Variants in CPO observed in about 807,000 individuals in gnomAD.
CPO encodes carboxypeptidase O.
Under a neutral mutation model 41.2 loss-of-function variants are expected in CPO, and 43 were observed. That is an observed-to-expected ratio of 1.04 (90% confidence interval 0.82 to 1.35). The LOEUF is 1.35. Ranked by LOEUF, CPO falls within the 40% of genes most tolerant of loss-of-function variation. CPO has a pLI of 0.00. For synonymous variants in CPO, 178 were observed against 162.7 expected, an observed-to-expected ratio of 1.09 and a Z score of -0.72; for missense variants, 408 against 451.7, an observed-to-expected ratio of 0.90 and a Z score of 0.88.
In CPO at chr2:206,969,300, G is replaced by C; in HGVS notation, c.989G>C (p.Cys330Ser). The part of the protein sequence containing the change: ...VLPEAQIQPT[C>S]EETMEAVLSV... ...CCAGAAGCTCAGATCCAGCCCACCT[G>C]TGAGGAGACCATGGAGGCTGTGCTG... The change falls in exon 9 of 9, where the codon TGT becomes TCT. Residue 330 changes from cysteine to serine, a missense_variant. Physicochemically the swap from Cys to Ser is moderately radical, Grantham distance 112 (BLOSUM62 -1). Transcript: ENST00000272852. The C allele has an allele frequency of 6.2e-7, 1 of 1,614,118 alleles. No individual in the cohort carries two copies. The highest frequency in any genetic ancestry group is 1.3e-5 in the African/African-American group (1 of 75,040).
chr2:206,949,768 G>A lies in CPO; in HGVS notation c.165+55G>A, dbSNP rs1006040374. On this transcript the variant is annotated intron_variant, in intron 2 of 8. Transcript: ENST00000272852. Reference sequence around the variant, plus strand: ...TGGTTGTCACAACCTACTTTAGGATGGGCAAAGAATGGTTCACTAGTAATA... The same window carrying A: ...TGGTTGTCACAACCTACTTTAGGATAGGCAAAGAATGGTTCACTAGTAATA... The A allele has an allele frequency of 8.8e-6, 10 of 1,141,922 alleles. No homozygotes were observed. The East Asian group carries it at 2.1e-4, about 24-fold the overall frequency. The allele number at this position is 1,141,922 out of a possible 1,614,324, so 70.7% of individuals were successfully genotyped here. A position where few individuals can be genotyped will look rare whatever the true frequency, so the allele number is the denominator to read the frequency against.
In CPO at chr2:206,943,315, G is replaced by A. The variant is rs186831901; in HGVS notation, c.68+3648G>A. On this transcript the variant is annotated intron_variant, in intron 1 of 8. Transcript: ENST00000272852. ...TCTCACTTCATGGCAGGACAGGATGGGCCAAACAGCCAGTGTGAGGAATGA... is the reference window on the plus strand; with the variant it reads ...TCTCACTTCATGGCAGGACAGGATGAGCCAAACAGCCAGTGTGAGGAATGA... Among the ~76,000 whole-genome samples the A allele has an allele frequency of 5.6e-3, 854 of 152,194 alleles. 8 individuals are homozygous for A. Among genetic ancestry groups the A allele is most frequent in the African/African-American group, 0.019 (788 of 41,532 alleles).
intron 5 of CPO, among the ~76,000 whole-genome samples, chr2:206,960,151 A>G (rs1693451084): frequency 6.6e-6 from 1 of 152,232 alleles, no homozygotes; most frequent in African/African-American, 2.4e-5. Flanking sequence ...TTTCAATGCA[A>G]TCATTCACAC....
At position 206,959,681 on chromosome 2, in the gene CPO, C is replaced by T. The variant is rs1162522233; in HGVS notation, c.423C>T (p.Asn141=). The T allele has an allele frequency of 1.9e-6, 3 of 1,580,930 alleles. No homozygotes were observed. In the African/African-American group the frequency reaches 4.0e-5, roughly 21 times the overall value. ...CAAGTATACGCAAGCTCCTTAGGAA[C>T]CTGGACTTCTATGTCCTTCCAGTTC... The part of the protein sequence containing the change: ...DNSSIRKLLR[N]LDFYVLPVLN... The change falls in exon 5 of 9, where the codon AAC becomes AAT. Residue 141 remains asparagine, a synonymous_variant. Transcript: ENST00000272852.
rs780482393 is a variant in CPO at position 206,959,714 on chromosome 2, A to G, written c.456A>G (p.Ile152Met). 1 of 1,548,966 alleles carries G rather than the reference A, an allele frequency of 6.5e-7. No homozygotes were observed. The highest frequency in any genetic ancestry group is 1.1e-5 in the South Asian group (1 of 89,752). ...LDFYVLPVLNIDGYIYTWTTD... is the reference protein window; with the variant it reads ...LDFYVLPVLNMDGYIYTWTTD... ...TCTATGTCCTTCCAGTTCTTAACAT[A>G]GATGGTTATATCTACACTTGGACAA... The change falls in exon 5 of 9, where the codon ATA (isoleucine) becomes ATG (methionine). Residue 152 changes from isoleucine (I) to methionine (M), a missense_variant. Physicochemically the swap from Ile to Met is conservative, Grantham distance 10. Coordinates refer to ENST00000272852, the MANE Select transcript of CPO (RefSeq NM_173077.3).
At chr2:206,955,643 C>A in intron 3 of CPO, 79 bp downstream of exon 3, 1 of 866,526 alleles carries the variant, frequency 1.2e-6, no homozygotes, top group South Asian at 1.4e-5. Flanking sequence ...GGACTCTAAT[C>A]AGAAGTGTGG....
rs1692990073 is a variant in CPO at position 206,939,534 on chromosome 2, C to G, written c.-66C>G. ...GTGGGAGCCACAGTCTTGATGCATT[C>G]ATTCTCAAGGACACTTGATCCACTG... is the stretch of plus-strand genomic sequence containing the variant. On this transcript the variant is annotated 5_prime_UTR_variant, in exon 1 of 9. The change creates a premature stop within an existing upstream ORF in the 5' untranslated region. Transcript: ENST00000272852. The G allele has an allele frequency of 3.9e-6, 5 of 1,286,182 alleles. No individual in the cohort carries two copies. Among genetic ancestry groups the G allele is most frequent in the Non-Finnish European group, 5.6e-6 (5 of 886,958 alleles). 79.7% of individuals were successfully genotyped at this position (1,286,182 alleles called of 1,614,324 possible).
intron 4 of CPO, among the ~76,000 whole-genome samples, chr2:206,958,841 A>G (rs1693424528): frequency 6.8e-6 from 1 of 147,026 alleles, no homozygotes; most frequent in Admixed American, 7.0e-5. Flanking sequence ...TCCTGGGTTC[A>G]AGCGATTCTC....
intron 3 of CPO, among the ~76,000 whole-genome samples, chr2:206,956,461 T>A (rs1693361079): frequency 6.6e-6 from 1 of 152,092 alleles, no homozygotes; most frequent in East Asian, 1.9e-4. Flanking sequence ...TTGTTACAAA[T>A]GCACACTCTC....
chr2:206,962,724 T>C, intron 7 of CPO, 110 bp downstream of exon 7: 1 of 812,266 alleles, frequency 1.2e-6, no homozygotes, highest in Non-Finnish European at 2.0e-6. Flanking sequence ...TTGTTCTCTC[T>C]GCTTATCCCT....
intron 2 of CPO, among the ~76,000 whole-genome samples, chr2:206,951,101 C>A (rs949658874): frequency 3.3e-5 from 5 of 151,168 alleles, no homozygotes; most frequent in African/African-American, 9.7e-5. Flanking sequence ...GGGGTGGAAC[C>A]AAAAAAAATT....
In CPO at chr2:206,962,544, A is replaced by G. The variant is rs1350221988; in HGVS notation, c.707A>G (p.His236Arg). ...GATATTTTGTGCTTCCTGACCATGCACTCTTATGGGCAGTTAATTCTCACA... is the reference window on the plus strand; with the variant it reads ...GATATTTTGTGCTTCCTGACCATGCGCTCTTATGGGCAGTTAATTCTCACA... Reference protein sequence around the residue: ...KDDILCFLTMHSYGQLILTPY... With the variant: ...KDDILCFLTMRSYGQLILTPY... Residue 236 changes from histidine to arginine, a missense_variant, in exon 7 of 9, where the codon CAC becomes CGC. Coordinates refer to ENST00000272852, the MANE Select transcript of CPO (RefSeq NM_173077.3). 1 of 1,613,906 alleles carries G rather than the reference A, an allele frequency of 6.2e-7. No homozygotes were observed. The highest frequency in any genetic ancestry group is 8.5e-7 in the Non-Finnish European group (1 of 1,179,982).
At chr2:206,961,939 A>C (rs1401955173) in intron 6 of CPO, among the ~76,000 whole-genome samples, 1 of 147,210 alleles carries the variant, frequency 6.8e-6, no homozygotes, top group South Asian at 2.1e-4. Context: ...AAAAATACCA[A>C]AAAAAAAAAA....
chr2:206,958,322 C>T lies in CPO; in HGVS notation c.289C>T (p.Pro97Ser). Reference sequence around the variant, plus strand: ...CCAGATCAGCCAACCATCTGGTAATCCCAAGAAAATCATTTGGATGGACTG... The same window carrying T: ...CCAGATCAGCCAACCATCTGGTAATTCCAAGAAAATCATTTGGATGGACTG... ...YLKISQPSGN[P>S]KKIIWMDCGI... is the part of the protein sequence containing the mutation. The change falls in exon 4 of 9, where the codon CCC becomes TCC. Residue 97 changes from proline to serine, a missense_variant. Coordinates refer to ENST00000272852, the MANE Select transcript of CPO (RefSeq NM_173077.3). 1 of 1,594,574 alleles carries T rather than the reference C, an allele frequency of 6.3e-7. No individual in the cohort carries two copies. The highest frequency in any genetic ancestry group is 8.5e-7 in the Non-Finnish European group (1 of 1,170,288).
At chr2:206,950,692 T>C (rs973948642) in intron 2 of CPO, among the ~76,000 whole-genome samples, 7 of 152,164 alleles carry the variant, frequency 4.6e-5, no homozygotes, top group Admixed American at 6.5e-5. Context: ...CCATCAATGA[T>C]AGATTGCATT....
Position 206,948,049 on chromosome 2 carries a change from A to G in CPO, c.69-1568A>G, listed in dbSNP as rs549926656. ...TTACAAAACTAAACAAACTCTTACC[A>G]TATTATCCAACCATTGCACTCTTTA... is the stretch of plus-strand genomic sequence containing the variant. On this transcript the variant is annotated intron_variant, in intron 1 of 8. Coordinates refer to ENST00000272852, the MANE Select transcript of CPO (RefSeq NM_173077.3). Among the ~76,000 whole-genome samples, 4 of 152,222 alleles carry G rather than the reference A, an allele frequency of 2.6e-5. No individual in the cohort carries two copies. In the South Asian group the frequency reaches 6.2e-4, roughly 24 times the overall value.
intron 2 of CPO, among the ~76,000 whole-genome samples, chr2:206,953,569 C>T (rs1020446267): frequency 6.6e-6 from 1 of 152,254 alleles, no homozygotes; most frequent in Non-Finnish European, 1.5e-5. Flanking sequence ...CTCCTGGCTG[C>T]TTTCATAGGC....
chr2:206,943,193 G>A (rs1267681456), intron 1 of CPO, among the ~76,000 whole-genome samples: 1 of 152,088 alleles, frequency 6.6e-6, no homozygotes, highest in Non-Finnish European at 1.5e-5. Context: ...AGATAACTGT[G>A]ATAAGGAAAA....
chr2:206,958,743 T>G (rs1033859765), intron 4 of CPO, among the ~76,000 whole-genome samples: 81 of 143,832 alleles, frequency 5.6e-4, no homozygotes, highest in African/African-American at 1.8e-3. Context: ...TTTTTTTTTT[T>G]TTTTTTTTTT....
Sources: allele counts gnomAD v4.1 joint callset (sites outside exome capture counted in the v4.1 genomes callset), GRCh38; gene constraint gnomAD v4.1.1; transcripts MANE v1.5; gene names NCBI Gene and HGNC (gene_info 2026-07-23, HGNC 2026-07-21).